Variants in CNTNAP2 observed in about 807,000 individuals in gnomAD.
CNTNAP2 encodes the protein contactin associated protein 2, also known as contactin-associated protein-like 2.
In CNTNAP2, 98 loss-of-function variants were observed where a neutral mutation model predicts 155.2. That is an observed-to-expected ratio of 0.63 (90% confidence interval 0.54 to 0.75). The LOEUF is 0.75. Ranked by LOEUF, CNTNAP2 falls within the 30% of genes least tolerant of loss-of-function variation. The pLI, the probability that CNTNAP2 is intolerant of heterozygous loss-of-function variation, is 0.00. For missense variants in CNTNAP2, 1,727 were observed against 1,688.1 expected, an observed-to-expected ratio of 1.02 and a Z score of -0.40; for synonymous variants, 651 against 631.2, an observed-to-expected ratio of 1.03 and a Z score of -0.47.
At chr7:146,628,924 A>G (rs4726808) in intron 1 of CNTNAP2, among the ~76,000 whole-genome samples, 53,208 of 152,050 alleles carry the variant, frequency 0.35, 11,074 homozygotes, top group South Asian at 0.51. Context: ...TGCACACTCT[A>G]TATAACTTAT....
intron 5 of CNTNAP2, among the ~76,000 whole-genome samples, chr7:147,116,990 T>A (rs1801004762): frequency 6.6e-6 from 1 of 152,166 alleles, no homozygotes; most frequent in Non-Finnish European, 1.5e-5. Flanking sequence ...AGGCTCCATC[T>A]GGTCTCAAGA....
chr7:146,367,459 C>T (rs375629546), intron 1 of CNTNAP2, among the ~76,000 whole-genome samples: 2 of 152,054 alleles, frequency 1.3e-5, no homozygotes, highest in South Asian at 4.1e-4. Context: ...GTACATAATA[C>T]TACTGTAGAT....
intron 21 of CNTNAP2, among the ~76,000 whole-genome samples, chr7:148,290,110 C>A (rs571631927): frequency 6.6e-6 from 1 of 151,952 alleles, no homozygotes; most frequent in African/African-American, 2.4e-5. Context: ...TAAGTAGTCA[C>A]GGTATCCTAG....
intron 8 of CNTNAP2, among the ~76,000 whole-genome samples, chr7:147,137,446 T>C (rs1300908149): frequency 6.6e-6 from 1 of 151,702 alleles, no homozygotes; most frequent in Non-Finnish European, 1.5e-5. Context: ...CTCTAATATC[T>C]ATATTTTCTC....
At chr7:147,429,974 A>G (rs1213256185) in intron 10 of CNTNAP2, among the ~76,000 whole-genome samples, 3 of 152,204 alleles carry the variant, frequency 2.0e-5, no homozygotes, top group African/African-American at 7.2e-5. Context: ...CTTGTAGTAT[A>G]GTTTGAAGTT....
intron 15 of CNTNAP2, among the ~76,000 whole-genome samples, chr7:148,100,549 A>T (rs1386850821): frequency 6.6e-6 from 1 of 152,246 alleles, no homozygotes; most frequent in Admixed American, 6.5e-5. Flanking sequence ...TTTTGCACCA[A>T]CCTAATATTA....
chr7:147,242,987 A>ATTTT (rs766917054), intron 8 of CNTNAP2, among the ~76,000 whole-genome samples: 1,277 of 47,052 alleles, frequency 0.027, 229 homozygotes, highest in Non-Finnish European at 0.031. Flanking sequence ...TATGCTTTGC[A>ATTTT]TTTTTTTTTT....
chr7:146,998,747 T>C (rs1291127640), intron 3 of CNTNAP2, among the ~76,000 whole-genome samples: 1 of 151,992 alleles, frequency 6.6e-6, no homozygotes, highest in Non-Finnish European at 1.5e-5. Flanking sequence ...TTATATCATC[T>C]TATCGAATTG....
chr7:147,384,479 T>C (rs951062286), intron 9 of CNTNAP2, among the ~76,000 whole-genome samples: 1 of 152,128 alleles, frequency 6.6e-6, no homozygotes, highest in Admixed American at 6.6e-5. Flanking sequence ...AGTCAGAATA[T>C]TCAGAGTCTT....
At chr7:146,798,945 G>A (rs781057728) in intron 2 of CNTNAP2, among the ~76,000 whole-genome samples, 1 of 152,104 alleles carries the variant, frequency 6.6e-6, no homozygotes, top group East Asian at 1.9e-4. Flanking sequence ...CATTATGTGA[G>A]CTAAATTGTA....
chr7:146,655,369 G>A (rs1208639706), intron 1 of CNTNAP2, among the ~76,000 whole-genome samples: 1 of 137,018 alleles, frequency 7.3e-6, no homozygotes, highest in Non-Finnish European at 1.5e-5. Flanking sequence ...AGTCGCGATG[G>A]CACCACTGCA....
At chr7:148,405,984 G>A (rs1400337225) in intron 22 of CNTNAP2, among the ~76,000 whole-genome samples, 3 of 152,162 alleles carry the variant, frequency 2.0e-5, no homozygotes, top group African/African-American at 7.2e-5. Flanking sequence ...TGTAATCCCA[G>A]CACTTTAAGA....
chr7:147,614,112 C>T (rs1801239353), intron 12 of CNTNAP2, among the ~76,000 whole-genome samples: 1 of 152,060 alleles, frequency 6.6e-6, no homozygotes. Context: ...ATTGGCTGTG[C>T]CTGTACCAAA....
intron 3 of CNTNAP2, among the ~76,000 whole-genome samples, chr7:147,000,115 T>C (rs1022269534): frequency 4.6e-5 from 7 of 152,002 alleles, no homozygotes; most frequent in Non-Finnish European, 8.8e-5. Flanking sequence ...TGTATCAGTT[T>C]AGAGAATCCT....
At chr7:147,874,135 G>A (rs1022866281) in intron 13 of CNTNAP2, among the ~76,000 whole-genome samples, 1 of 152,152 alleles carries the variant, frequency 6.6e-6, no homozygotes, top group Non-Finnish European at 1.5e-5. Context: ...CAGGCTCACG[G>A]TGCAAGCTCT....
chr7:147,898,448 A>G (rs4725752), intron 13 of CNTNAP2, among the ~76,000 whole-genome samples: 35,304 of 152,230 alleles, frequency 0.23, 4,755 homozygotes, highest in Middle Eastern at 0.39. Flanking sequence ...GAGCACTCAT[A>G]GAGTCAAGTG....
rs1554429873 is a variant in CNTNAP2 at position 146,411,846 on chromosome 7, A to ATTTATTT, written c.97+294876_97+294877insATTTTTT. Among the ~76,000 whole-genome samples the ATTTATTT allele has an allele frequency of 5.9e-5, 5 of 85,112 alleles. No homozygotes were observed. In the Admixed American group the frequency reaches 6.9e-4, roughly 12 times the overall value. The allele number at this position is 85,112 out of a possible 152,430, so 55.8% of individuals were successfully genotyped here. On this transcript the variant is annotated intron_variant, in intron 1 of 23. Coordinates refer to ENST00000361727, the MANE Select transcript of CNTNAP2 (RefSeq NM_014141.6). Reference sequence around the variant, plus strand: ...TATTTACTTATTTATTTATTTATTTATTTTATTTGAGATAGAGTCTCTCTC... The same window carrying ATTTATTT: ...TATTTACTTATTTATTTATTTATTTATTTATTTTTTTATTTGAGATAGAGTCTCTCTC...
At chr7:147,833,071 A>C (rs1360718450) in intron 13 of CNTNAP2, among the ~76,000 whole-genome samples, 4 of 150,936 alleles carry the variant, frequency 2.7e-5, no homozygotes, top group Middle Eastern at 3.2e-3. Flanking sequence ...GCAAGCACAA[A>C]ATTTTCCAGT....
At chr7:147,986,223 G>A (rs1401569746) in intron 15 of CNTNAP2, among the ~76,000 whole-genome samples, 3 of 151,982 alleles carry the variant, frequency 2.0e-5, no homozygotes, top group African/African-American at 4.8e-5. Flanking sequence ...TCCTGCCCTG[G>A]CCATTAATTA....
Sources: allele counts gnomAD v4.1 joint callset (sites outside exome capture counted in the v4.1 genomes callset), GRCh38; gene constraint gnomAD v4.1.1; transcripts MANE v1.5; gene names NCBI Gene and HGNC (gene_info 2026-07-23, HGNC 2026-07-21).